NEURL1: variants seen among roughly 807,000 people sequenced by gnomAD.
NEURL1 encodes neuralized E3 ubiquitin protein ligase 1.
A neutral mutation model predicts 41.2 loss-of-function variants in NEURL1; 26 were observed. That is an observed-to-expected ratio of 0.63 (90% confidence interval 0.46 to 0.87). NEURL1 has a LOEUF of 0.87. NEURL1 is among the 40% of genes least tolerant of loss of function. The probability of loss-of-function intolerance (pLI) is 0.00; values close to 1 mark genes in which losing one functional copy is unlikely to be tolerated. For missense variants in NEURL1, 761 were observed against 871.1 expected (o/e 0.87, Z 1.59); for synonymous variants, 400 against 402.3 (o/e 0.99, Z 0.07).
chr10:103,501,618 T>TTTATTTTTATTATTATTA (rs1554888031), intron 1 of NEURL1, among the ~76,000 whole-genome samples: 13 of 142,598 alleles, frequency 9.1e-5, no homozygotes, highest in African/African-American at 3.4e-4. Context: ...TCCCACTTTA[T>TTTATTTTTATTATTATTA]TTATTATTAT....
At chr10:103,589,971 G>C (rs1436946756) in intron 5 of NEURL1, among the ~76,000 whole-genome samples, 163 bp from the exon 6 acceptor site, 1 of 152,202 alleles carries the variant, frequency 6.6e-6, no homozygotes, top group Non-Finnish European at 1.5e-5. Context: ...GGGCTGCTCA[G>C]AGCTCAGCCT....
intron 1 of NEURL1, among the ~76,000 whole-genome samples, chr10:103,559,063 T>G (rs560639354): frequency 6.6e-6 from 1 of 152,258 alleles, no homozygotes; most frequent in East Asian, 1.9e-4. Context: ...GCCACACAGC[T>G]GGCGCCTCAG....
At chr10:103,557,767 T>C (rs1247462330) in intron 1 of NEURL1, among the ~76,000 whole-genome samples, 1 of 152,254 alleles carries the variant, frequency 6.6e-6, no homozygotes, top group Non-Finnish European at 1.5e-5. Context: ...TTCTGGGAAA[T>C]GAGCTGGGGC....
intron 4 of NEURL1, among the ~76,000 whole-genome samples, chr10:103,586,353 G>A (rs556646145): frequency 5.5e-4 from 83 of 152,244 alleles, no homozygotes; most frequent in African/African-American, 1.9e-3. Flanking sequence ...AGCTGGTTTC[G>A]TTAGATTTAC....
chr10:103,554,757 G>A (rs1360553210), intron 1 of NEURL1, among the ~76,000 whole-genome samples: 1 of 152,182 alleles, frequency 6.6e-6, no homozygotes, highest in African/African-American at 2.4e-5. Context: ...AGACAGAAAC[G>A]GTGTTAGCAC....
At chr10:103,588,407 G>C (rs1282508649) in intron 4 of NEURL1, among the ~76,000 whole-genome samples, 1 of 152,116 alleles carries the variant, frequency 6.6e-6, no homozygotes, top group Non-Finnish European at 1.5e-5. Context: ...TTGTGTAGTT[G>C]TATGTCTGTA....
At chr10:103,541,584 C>T (rs1014783781) in intron 1 of NEURL1, among the ~76,000 whole-genome samples, 2 of 152,126 alleles carry the variant, frequency 1.3e-5, no homozygotes, top group Non-Finnish European at 2.9e-5. Context: ...GGAAGCATTG[C>T]CTTGGAGCAA....
At chr10:103,510,405 A>G (rs1002575275) in intron 1 of NEURL1, among the ~76,000 whole-genome samples, 8 of 152,152 alleles carry the variant, frequency 5.3e-5, no homozygotes, top group Non-Finnish European at 7.4e-5. Context: ...ATTAGTGCCA[A>G]TTGGATCTTA....
intron 5 of NEURL1, 28 bp from the exon 6 acceptor site, chr10:103,590,106 C>T: frequency 6.2e-7 from 1 of 1,608,060 alleles, no homozygotes; most frequent in East Asian, 2.2e-5. Context: ...GCCATGTCTC[C>T]TCCTGACTGG....
At chr10:103,576,531 G>A (rs1274032237) in intron 3 of NEURL1, among the ~76,000 whole-genome samples, 3 of 152,144 alleles carry the variant, frequency 2.0e-5, no homozygotes, top group African/African-American at 4.8e-5. Flanking sequence ...AGAGGGACTG[G>A]CTGGTTGACA....
chr10:103,527,826 T>A (rs1453603877), intron 1 of NEURL1, among the ~76,000 whole-genome samples: 1 of 152,234 alleles, frequency 6.6e-6, no homozygotes, highest in Non-Finnish European at 1.5e-5. Flanking sequence ...GAGGGATGAA[T>A]ATCTATCTTC....
At chr10:103,539,092 A>C (rs1387164872) in intron 1 of NEURL1, among the ~76,000 whole-genome samples, 1 of 151,976 alleles carries the variant, frequency 6.6e-6, no homozygotes, top group African/African-American at 2.4e-5. Context: ...GACTACAGGC[A>C]TACACCACCA....
rs1055303688 is a variant in NEURL1 at position 103,545,112 on chromosome 10, G to A, written c.86-25760G>A. ...AAGGAAGGCGGCGGCAATGAGCCAC[G>A]GATGAATGTGCAAATTGTGAGATGG... On this transcript the variant is annotated intron_variant, in intron 1 of 5. Transcript: ENST00000369780. This position sits in a 1 kb window ranked among gnomAD's most constrained non-coding sequence, Gnocchi z 4.5. Among the ~76,000 whole-genome samples, 9 of 152,268 alleles carry A rather than the reference G, an allele frequency of 5.9e-5. No individual in the cohort carries two copies. The highest frequency in any genetic ancestry group is 2.1e-4 in the South Asian group (1 of 4,836).
At chr10:103,518,633 T>C (rs1346036434) in intron 1 of NEURL1, among the ~76,000 whole-genome samples, 5 of 152,048 alleles carry the variant, frequency 3.3e-5, no homozygotes, top group African/African-American at 1.2e-4. Context: ...TTTGAATAGG[T>C]TGGGCCAGAG....
At chr10:103,533,052 G>A (rs562206842) in intron 1 of NEURL1, among the ~76,000 whole-genome samples, 72 of 148,384 alleles carry the variant, frequency 4.9e-4, no homozygotes, top group Non-Finnish European at 8.6e-4. Flanking sequence ...TCAGCCTCCC[G>A]AGTAGCTGGG....
chr10:103,546,355 C>T (rs1466425651), intron 1 of NEURL1, among the ~76,000 whole-genome samples: 2 of 152,234 alleles, frequency 1.3e-5, no homozygotes, highest in Admixed American at 6.5e-5. Flanking sequence ...AATTAATTTC[C>T]ACCTCCTTGA....
At position 103,556,322 on chromosome 10, in the gene NEURL1, C is replaced by T. The variant is rs961877044; in HGVS notation, c.86-14550C>T. On this transcript the variant is annotated intron_variant, in intron 1 of 5. Coordinates refer to ENST00000369780, the MANE Select transcript of NEURL1 (RefSeq NM_004210.5). The surrounding 1 kb of genome is among the most constrained non-coding windows in gnomAD (Gnocchi z 4.4). ...TAGGGACTTGTGTGTCTTCCCTGGG[C>T]CCTGGGAACTGGGGTCCTTTACAAA... Among the ~76,000 whole-genome samples, 2 of 152,172 alleles carry T rather than the reference C, an allele frequency of 1.3e-5. No homozygotes were observed. Among genetic ancestry groups the T allele is most frequent in the Non-Finnish European group, 2.9e-5 (2 of 68,024 alleles).
At chr10:103,533,721 A>G (rs2034626938) in intron 1 of NEURL1, among the ~76,000 whole-genome samples, 1 of 152,154 alleles carries the variant, frequency 6.6e-6, no homozygotes, top group East Asian at 1.9e-4. Context: ...TATTTTTAGT[A>G]GAGACGGGGT....
In NEURL1 at chr10:103,590,393, C is replaced by T. The variant is rs780419127; in HGVS notation, c.*21C>T. The T allele has an allele frequency of 8.8e-6, 14 of 1,585,870 alleles. No homozygotes were observed. The highest frequency in any genetic ancestry group is 4.5e-5 in the East Asian group (2 of 44,662). On this transcript the variant is annotated 3_prime_UTR_variant, in exon 6 of 6. Transcript: ENST00000369780. ...CCTAGCCCGTTGCGGTGGCCCATCC[C>T]GCATACCCATCTTCTCGGGCTTCAG... is the stretch of plus-strand genomic sequence containing the variant.
Sources: gnomAD v4.1 joint callset for allele counts (sites outside exome capture counted in the v4.1 genomes callset) on GRCh38, gnomAD v4.1.1 for gene constraint, Gnocchi (gnomAD v3.1) non-coding constraint, MANE v1.5 for transcripts, NCBI Gene and HGNC (gene_info 2026-07-23, HGNC 2026-07-21) for gene names.